Variants in LARGE1 observed in about 807,000 individuals in gnomAD.
The protein encoded by LARGE1 is LARGE xylosyl- and glucuronyltransferase 1.
A neutral mutation model predicts 87.6 loss-of-function variants in LARGE1; 43 were observed. The observed-to-expected ratio is 0.49, with a 90% CI of 0.38 to 0.63. The LOEUF (loss-of-function observed/expected upper bound fraction) is 0.63. Ranked by LOEUF, LARGE1 falls within the 30% of genes least tolerant of loss-of-function variation. LARGE1 has a pLI of 0.00. For missense variants in LARGE1, 802 were observed against 1,000.2 expected (o/e 0.80, Z 2.67); for synonymous variants, 434 against 394.6 (o/e 1.10, Z -1.18).
At chr22:33,499,671 T>C (rs114310106) in intron 6 of LARGE1, among the ~76,000 whole-genome samples, 2,345 of 138,466 alleles carry the variant, frequency 0.017, 59 homozygotes, top group African/African-American at 0.062. Context: ...GAGATTTTAT[T>C]GACTTATAGG....
At chr22:33,590,527 G>A (rs910620695) in intron 5 of LARGE1, among the ~76,000 whole-genome samples, 8 of 152,072 alleles carry the variant, frequency 5.3e-5, no homozygotes, top group Non-Finnish European at 1.2e-4. Flanking sequence ...CAATTTGATC[G>A]CCCTCGAAAA....
At chr22:33,591,936 G>A (rs568548715) in intron 5 of LARGE1, among the ~76,000 whole-genome samples, 3 of 150,988 alleles carry the variant, frequency 2.0e-5, no homozygotes, top group South Asian at 4.2e-4. Flanking sequence ...TGAGGCAGGA[G>A]GATTGCTTGA....
At chr22:33,867,729 T>C (rs1460828955) in intron 1 of LARGE1, among the ~76,000 whole-genome samples, 17 of 152,314 alleles carry the variant, frequency 1.1e-4, no homozygotes, top group Admixed American at 1.1e-3. Context: ...AGTCCTCTAG[T>C]CCCGATCGCT....
rs374651231 is a variant in LARGE1, at chr22:33,817,562, T to C, written c.-82-56004A>G. ...AAGCCCAATCCACTGCAGAAAAGAG[T>C]GTTTGGGTTGTTGCACATCCAGATA... On this transcript the variant is annotated intron_variant, in intron 1 of 14. Transcript: ENST00000397394. Among the ~76,000 whole-genome samples the C allele has an allele frequency of 1.2e-4, 18 of 150,628 alleles. No homozygotes were observed. The East Asian group carries it at 3.5e-3, about 30-fold the overall frequency.
chr22:33,445,762 G>C (rs1302832613), intron 6 of LARGE1, among the ~76,000 whole-genome samples: 1 of 151,246 alleles, frequency 6.6e-6, no homozygotes, highest in Non-Finnish European at 1.5e-5. Context: ...CAATTCTCCT[G>C]TCTCAGCCTC....
In LARGE1 at chr22:33,699,083, G is replaced by A. The variant is rs540721220; in HGVS notation, c.107-48415C>T. ...CTCCCAAAGCTGACCTTGAACAACC[G>A]ATGTAAATATGAACTGAGACTGGTT... On this transcript the variant is annotated intron_variant, in intron 2 of 14. Transcript: ENST00000397394. 1.7e-4 allele frequency among the ~76,000 whole-genome samples: 26 copies of A among 152,304 alleles called. 2 individuals carry two copies. The highest frequency in any genetic ancestry group is 3.4e-4 in the African/African-American group (14 of 41,566).
the LARGE1 span, among the ~76,000 whole-genome samples, chr22:33,080,616 A>G: frequency 6.6e-6 from 1 of 152,244 alleles, no homozygotes; most frequent in East Asian, 1.9e-4. Context: ...AAGTGGAAGA[A>G]TCAGAATACT....
At chr22:33,480,813 A>G (rs2069288259) in intron 6 of LARGE1, among the ~76,000 whole-genome samples, 1 of 152,204 alleles carries the variant, frequency 6.6e-6, no homozygotes, top group Non-Finnish European at 1.5e-5. Flanking sequence ...CAAAAACAGG[A>G]TAACGGTAGA....
At chr22:33,696,299 G>C (rs1478394002) in intron 2 of LARGE1, among the ~76,000 whole-genome samples, 4 of 131,362 alleles carry the variant, frequency 3.0e-5, no homozygotes, top group African/African-American at 1.2e-4. Context: ...GTCTCACTCT[G>C]TTGCCCAGGC....
At chr22:33,252,262 C>T (rs1023528100) in intron 11 of LARGE1, among the ~76,000 whole-genome samples, 1 of 137,792 alleles carries the variant, frequency 7.3e-6, no homozygotes, top group Non-Finnish European at 1.5e-5. Context: ...CCCCCCCCCC[C>T]CGCCATTTTA....
chr22:33,878,126 T>C (rs1013303893), intron 1 of LARGE1, among the ~76,000 whole-genome samples: 1 of 124,846 alleles, frequency 8.0e-6, no homozygotes, highest in Non-Finnish European at 1.6e-5. Context: ...TTATATTGTA[T>C]TTCTTTTTTT....
At chr22:33,376,334 T>G (rs888692996) in intron 9 of LARGE1, among the ~76,000 whole-genome samples, 7 of 152,222 alleles carry the variant, frequency 4.6e-5, no homozygotes, top group East Asian at 3.8e-4. Flanking sequence ...TATAGAACTC[T>G]TCTAGATTTC....
rs2066087362 is a variant in LARGE1 at position 33,406,072 on chromosome 22, A to G, written c.893-21768T>C. The stretch of plus-strand genomic sequence containing the variant: ...ACTTGGAAACCAGAAATAAACTTTG[A>G]AACCAGGCTGAATATGTGGTTGGTA... On this transcript the variant is annotated intron_variant, in intron 7 of 14. Coordinates refer to ENST00000397394, the MANE Select transcript of LARGE1 (RefSeq NM_133642.5). Among the ~76,000 whole-genome samples, 4 of 152,328 alleles carry G rather than the reference A, an allele frequency of 2.6e-5. 1 individual carries two copies. The South Asian group carries it at 8.3e-4, about 32-fold the overall frequency.
chr22:33,386,708 G>GC (rs34194613), intron 7 of LARGE1, among the ~76,000 whole-genome samples: 34,653 of 148,282 alleles, frequency 0.23, 6,923 homozygotes, highest in African/African-American at 0.42. Context: ...ACAATGTTGG[G>GC]GGGGGTAGAA....
At chr22:33,794,020 A>C (rs1049785409) in intron 1 of LARGE1, among the ~76,000 whole-genome samples, 2 of 151,362 alleles carry the variant, frequency 1.3e-5, no homozygotes, top group African/African-American at 2.4e-5. Flanking sequence ...AAAGTTTATT[A>C]ATGTTGAGGG....
chr22:33,244,391 T>C (rs1926662153), intron 11 of LARGE1, among the ~76,000 whole-genome samples: 1 of 152,170 alleles, frequency 6.6e-6, no homozygotes, highest in South Asian at 2.1e-4. Flanking sequence ...ATTGTGCAGA[T>C]GAGGAAACTG....
chr22:33,235,482 A>G (rs1256323163), intron 11 of LARGE1, among the ~76,000 whole-genome samples: 2 of 152,210 alleles, frequency 1.3e-5, no homozygotes, highest in African/African-American at 4.8e-5. Flanking sequence ...CACGTAACAA[A>G]CAAACGGATC....
In LARGE1 at chr22:33,335,126, C is replaced by T. The variant is rs146068561; in HGVS notation, c.1287+2520G>A. ...CTTCTCCATGGAGGGGGGAAATAAACGAGGTAGGAGAACAGTTTCCATTTA... is the reference window on the plus strand; with the variant it reads ...CTTCTCCATGGAGGGGGGAAATAAATGAGGTAGGAGAACAGTTTCCATTTA... On this transcript the variant is annotated intron_variant, in intron 10 of 14. Transcript: ENST00000397394. 5.7e-4 allele frequency among the ~76,000 whole-genome samples: 87 copies of T among 152,276 alleles called. 2 individuals are homozygous for T. The highest frequency in any genetic ancestry group is 2.0e-3 in the African/African-American group (84 of 41,558).
the LARGE1 span, among the ~76,000 whole-genome samples, chr22:33,129,286 T>C: frequency 1.3e-5 from 2 of 152,136 alleles, no homozygotes; most frequent in African/African-American, 2.4e-5. Context: ...GGGAGTTTCT[T>C]TGGGATGAAG....
Sources: allele counts gnomAD v4.1 joint callset (sites outside exome capture counted in the v4.1 genomes callset), GRCh38; gene constraint gnomAD v4.1.1; transcripts MANE v1.5; gene names NCBI Gene and HGNC (gene_info 2026-07-23, HGNC 2026-07-21).